The following GTF2F2 variants were observed in gnomAD, a reference collection of about 807,000 sequenced individuals.
GTF2F2 encodes ATP-dependent helicase GTF2F2.
In GTF2F2, 23 loss-of-function variants were observed where a neutral mutation model predicts 42.2. That is an observed-to-expected ratio of 0.55 (90% CI 0.39 to 0.77). The LOEUF is 0.77. Ranked by LOEUF, GTF2F2 falls within the 30% of genes least tolerant of loss-of-function variation. The pLI is 0.00. For missense variants in GTF2F2, 261 were observed against 287.2 expected, an observed-to-expected ratio of 0.91 and a Z score of 0.66; for synonymous variants, 105 against 100.8, an observed-to-expected ratio of 1.04 and a Z score of -0.25.
chr13:45,221,969 C>A (rs1874139286), intron 5 of GTF2F2, among the ~76,000 whole-genome samples: 2 of 152,132 alleles, frequency 1.3e-5, no homozygotes, highest in Middle Eastern at 6.8e-3. Context: ...CCATGCAGTT[C>A]TCTCAGTTTA....
At chr13:45,124,082 C>G (rs1190973513) in intron 1 of GTF2F2, 1 of 916,732 alleles carries the variant, frequency 1.1e-6, no homozygotes, top group Non-Finnish European at 1.8e-6. Flanking sequence ...ATTGTCTTAC[C>G]AGGAAATGAA....
intron 7 of GTF2F2, among the ~76,000 whole-genome samples, chr13:45,269,073 A>G (rs1373466345): frequency 2.6e-5 from 4 of 152,210 alleles, no homozygotes; most frequent in African/African-American, 9.7e-5. Flanking sequence ...TCAGATTCTC[A>G]TAGAAGCCGC....
chr13:45,184,823 C>T (rs915542949), intron 4 of GTF2F2, among the ~76,000 whole-genome samples: 3 of 151,730 alleles, frequency 2.0e-5, no homozygotes, highest in Non-Finnish European at 4.4e-5. Flanking sequence ...TTGTTATTTT[C>T]TTTGTTTTTG....
At chr13:45,228,966 A>C (rs1475161136) in intron 5 of GTF2F2, among the ~76,000 whole-genome samples, 3 of 151,762 alleles carry the variant, frequency 2.0e-5, no homozygotes, top group African/African-American at 7.3e-5. Context: ...CACCACACCC[A>C]ACCAATCCTC....
Position 45,261,573 on chromosome 13 carries a change from G to A in GTF2F2, c.487-5660G>A, listed in dbSNP as rs371849400. Among the ~76,000 whole-genome samples, 139 of 152,214 alleles carry A rather than the reference G, an allele frequency of 9.1e-4. 1 individual carries two copies. Among genetic ancestry groups the A allele is most frequent in the African/African-American group, 3.1e-3 (130 of 41,530 alleles). On this transcript the variant is annotated intron_variant, in intron 6 of 7. Transcript: ENST00000340473. ...TATATAGTCAGTTGCGCAGTGATCT[G>A]TGATCATTGGATAGAAGATTGGTAA...
chr13:45,279,038 G>T (rs1328816470), intron 7 of GTF2F2, among the ~76,000 whole-genome samples: 1 of 151,888 alleles, frequency 6.6e-6, no homozygotes, highest in East Asian at 1.9e-4. Context: ...TGGCCGGCTG[G>T]TCTTGAATTC....
chr13:45,270,630 G>A (rs1044976770), intron 7 of GTF2F2, among the ~76,000 whole-genome samples: 2 of 152,128 alleles, frequency 1.3e-5, no homozygotes, highest in Non-Finnish European at 2.9e-5. Flanking sequence ...TGAGAATTAA[G>A]TTTAACATGA....
intron 5 of GTF2F2, among the ~76,000 whole-genome samples, chr13:45,251,196 A>C (rs1875862763): frequency 6.6e-6 from 1 of 152,224 alleles, no homozygotes; most frequent in Non-Finnish European, 1.5e-5. Context: ...TATATACCTG[A>C]AAATAAGCAG....
intron 4 of GTF2F2, among the ~76,000 whole-genome samples, chr13:45,168,213 A>G (rs1439817852): frequency 6.6e-6 from 1 of 152,228 alleles, no homozygotes; most frequent in Non-Finnish European, 1.5e-5. Flanking sequence ...GGGCTGTGGC[A>G]TAGATGCCCC....
At chr13:45,141,146 A>G (rs1260653372) in intron 2 of GTF2F2, among the ~76,000 whole-genome samples, 1 of 152,236 alleles carries the variant, frequency 6.6e-6, no homozygotes, top group Non-Finnish European at 1.5e-5. Context: ...TCAGAAATAT[A>G]GTATCTCTTT....
At chr13:45,173,148 AAT>A (rs756580230) in intron 4 of GTF2F2, among the ~76,000 whole-genome samples, 48 of 152,134 alleles carry the variant, frequency 3.2e-4, no homozygotes, top group Non-Finnish European at 1.5e-4. Flanking sequence ...AGAGAGAAAA[AAT>A]ATGTTCTATT....
chr13:45,156,633 TAG>T (rs1870769613), intron 4 of GTF2F2, among the ~76,000 whole-genome samples: 2 of 152,212 alleles, frequency 1.3e-5, no homozygotes, highest in African/African-American at 4.8e-5. Context: ...CGACCAGAAT[TAG>T]AGGTTATTTT....
chr13:45,260,265 T>A (rs975595008), intron 6 of GTF2F2, among the ~76,000 whole-genome samples: 2 of 152,220 alleles, frequency 1.3e-5, no homozygotes, highest in African/African-American at 4.8e-5. Flanking sequence ...ATAAAAAGGA[T>A]GTTTGTAGGA....
At chr13:45,149,822 C>G (rs925964714) in intron 3 of GTF2F2, 34 bp downstream of exon 3, 44 of 1,481,538 alleles carry the variant, frequency 3.0e-5, no homozygotes, top group Non-Finnish European at 3.7e-5. Context: ...TTAGTTAAAA[C>G]TTGAGACTAT....
rs577429967 is a variant in GTF2F2, at chr13:45,159,920, T to G, written c.304+8089T>G. ...TCTTTATATGTGTGCTTATAAGCAT[T>G]CAAAGTACTTTTTCATTGAACTTTT... On this transcript the variant is annotated intron_variant, in intron 4 of 7. Coordinates refer to ENST00000340473, the MANE Select transcript of GTF2F2 (RefSeq NM_004128.3). 8.5e-5 allele frequency among the ~76,000 whole-genome samples: 13 copies of G among 152,358 alleles called. No individual in the cohort carries two copies. The South Asian group carries it at 2.7e-3, about 32-fold the overall frequency.
chr13:45,229,872 T>TA (rs1874582905), intron 5 of GTF2F2, among the ~76,000 whole-genome samples: 1 of 151,972 alleles, frequency 6.6e-6, no homozygotes, highest in African/African-American at 2.4e-5. Context: ...CATAAAAAAA[T>TA]AGAGTAAAAG....
intron 7 of GTF2F2, among the ~76,000 whole-genome samples, chr13:45,269,738 T>C (rs1025569732): frequency 1.3e-5 from 2 of 152,236 alleles, no homozygotes; most frequent in Non-Finnish European, 2.9e-5. Context: ...TAAATACATT[T>C]AATACATTAC....
At chr13:45,127,771 T>C (rs1167915201) in intron 1 of GTF2F2, among the ~76,000 whole-genome samples, 1 of 151,864 alleles carries the variant, frequency 6.6e-6, no homozygotes, top group Non-Finnish European at 1.5e-5. Context: ...TAGCTGGGAT[T>C]ACAGGCGCCT....
At chr13:45,131,538 G>C (rs1447628095) in intron 1 of GTF2F2, among the ~76,000 whole-genome samples, 1 of 152,122 alleles carries the variant, frequency 6.6e-6, no homozygotes, top group East Asian at 1.9e-4. Flanking sequence ...TCTAGAGTAA[G>C]TTCAAAACAA....
Sources: allele counts gnomAD v4.1 joint callset (sites outside exome capture counted in the v4.1 genomes callset), GRCh38; gene constraint gnomAD v4.1.1; transcripts MANE v1.5; gene names NCBI Gene and HGNC (gene_info 2026-07-23, HGNC 2026-07-21).